The following RAD51B variants were observed in gnomAD, a reference collection of about 807,000 sequenced individuals.
RAD51B encodes the protein RAD51 paralog B, also known as DNA repair protein RAD51 homolog 2.
A neutral mutation model predicts 42.2 loss-of-function variants in RAD51B; 38 were observed. The observed-to-expected ratio is 0.90, with a 90% CI of 0.70 to 1.18. The LOEUF (loss-of-function observed/expected upper bound fraction) is 1.18, where lower values mean the gene tolerates loss of function less well. RAD51B is among the 50% of genes most tolerant of loss of function. The probability of loss-of-function intolerance (pLI) is 0.00; values close to 1 mark genes in which losing one functional copy is unlikely to be tolerated. For synonymous variants in RAD51B, 154 were observed against 145.2 expected (o/e 1.06, Z -0.43); for missense variants, 373 against 400.7 (o/e 0.93, Z 0.59).
At chr14:68,602,026 G>A (rs1891238960) in intron 10 of RAD51B, among the ~76,000 whole-genome samples, 1 of 151,976 alleles carries the variant, frequency 6.6e-6, no homozygotes, top group Non-Finnish European at 1.5e-5. Context: ...AACCTGCTTG[G>A]TCCTTTGAAA....
chr14:67,984,391 C>T (rs1033356159), intron 7 of RAD51B, among the ~76,000 whole-genome samples: 5 of 152,176 alleles, frequency 3.3e-5, no homozygotes, highest in Non-Finnish European at 7.4e-5. Context: ...TTTCAAGACA[C>T]TTTCTTATTT....
Position 68,359,587 on chromosome 14 carries a change from A to G in RAD51B, c.854-51837A>G, listed in dbSNP as rs77133088. Among the ~76,000 whole-genome samples the G allele has an allele frequency of 9.0e-3, 1,364 of 152,344 alleles. 21 individuals carry two copies. The highest frequency in any genetic ancestry group is 0.032 in the African/African-American group (1,323 of 41,574). ...AGCCAGACCAGATCAGCAGCCATTA[A>G]GCAGGGCCCACAGTTCCTATGGCCG... On this transcript the variant is annotated intron_variant, in intron 8 of 10. Transcript: ENST00000471583.
chr14:68,274,047 G>A lies in RAD51B; in HGVS notation c.757-17837G>A, dbSNP rs111608823. Among the ~76,000 whole-genome samples the A allele has an allele frequency of 6.4e-3, 968 of 151,782 alleles. 6 individuals are homozygous for A. The highest frequency in any genetic ancestry group is 0.021 in the African/African-American group (879 of 41,342). On this transcript the variant is annotated intron_variant, in intron 7 of 10. Transcript: ENST00000471583. ...CACTCTCCTTTGCTTCTTATGCTTC[G>A]GGAGCAGCCACTTTCAAATCTCTTG...
At chr14:68,487,491 GATGTACA>G (rs1047575971) in intron 10 of RAD51B, among the ~76,000 whole-genome samples, 28 of 151,656 alleles carry the variant, frequency 1.8e-4, no homozygotes, top group East Asian at 1.7e-3. Context: ...TGTTGATCAT[GATGTACA>G]ATTCATTACT....
intron 10 of RAD51B, among the ~76,000 whole-genome samples, chr14:68,585,971 G>A (rs1890447224): frequency 6.6e-6 from 1 of 152,162 alleles, no homozygotes; most frequent in Admixed American, 6.5e-5. Context: ...CGGCTCATCT[G>A]CTGCAGATCT....
intron 9 of RAD51B, chr14:68,422,111 A>G: frequency 1.4e-6 from 2 of 1,465,318 alleles, no homozygotes; most frequent in Non-Finnish European, 9.6e-7. Context: ...TGTCTTTGGG[A>G]TCTTGTCTGC....
chr14:68,195,945 G>T (rs1595537030), intron 7 of RAD51B, among the ~76,000 whole-genome samples: 1 of 147,000 alleles, frequency 6.8e-6, no homozygotes, highest in South Asian at 2.2e-4. Flanking sequence ...GGGGCCAGGT[G>T]CAATGGCTCA....
At chr14:68,157,399 T>G (rs2078536125) in intron 7 of RAD51B, among the ~76,000 whole-genome samples, 1 of 152,206 alleles carries the variant, frequency 6.6e-6, no homozygotes, top group African/African-American at 2.4e-5. Context: ...GCATGTTATA[T>G]GAAAGGGATG....
chr14:68,678,921 A>G (rs1893368559), intron 11 of RAD51B, among the ~76,000 whole-genome samples: 1 of 151,984 alleles, frequency 6.6e-6, no homozygotes, highest in Admixed American at 6.6e-5. Context: ...CTCCACCTCC[A>G]CCTTCACAGG....
chr14:68,321,054 G>C (rs1315442470), intron 8 of RAD51B, among the ~76,000 whole-genome samples: 2 of 151,912 alleles, frequency 1.3e-5, no homozygotes, highest in Non-Finnish European at 2.9e-5. Flanking sequence ...CTGTCTCCAA[G>C]TCCCCATTGT....
intron 8 of RAD51B, among the ~76,000 whole-genome samples, chr14:68,337,984 G>A (rs2082492432): frequency 6.6e-6 from 1 of 151,788 alleles, no homozygotes; most frequent in Non-Finnish European, 1.5e-5. Flanking sequence ...AAGAGATGGG[G>A]TCTCACTATA....
intron 7 of RAD51B, among the ~76,000 whole-genome samples, chr14:68,082,195 C>T (rs1042438000): frequency 3.3e-5 from 5 of 151,968 alleles, no homozygotes; most frequent in Non-Finnish European, 5.9e-5. Context: ...CTCCTGACCT[C>T]GTGATCTGCC....
chr14:68,120,006 T>C (rs1349071286), intron 7 of RAD51B, among the ~76,000 whole-genome samples: 3 of 151,674 alleles, frequency 2.0e-5, no homozygotes, highest in African/African-American at 7.3e-5. Flanking sequence ...TTAATGATTG[T>C]CATTCTAACT....
At chr14:68,430,179 G>A (rs925731826) in intron 9 of RAD51B, among the ~76,000 whole-genome samples, 1 of 152,030 alleles carries the variant, frequency 6.6e-6, no homozygotes, top group African/African-American at 2.4e-5. Context: ...AGTCAGGTAG[G>A]GTGATGCCTC....
chr14:67,987,537 A>G (rs1230930415), intron 7 of RAD51B, among the ~76,000 whole-genome samples: 3 of 152,194 alleles, frequency 2.0e-5, no homozygotes, highest in Non-Finnish European at 4.4e-5. Flanking sequence ...AGTAAGATTG[A>G]ACTTACTATT....
intron 8 of RAD51B, among the ~76,000 whole-genome samples, chr14:68,395,051 C>G (rs535905876): frequency 9.2e-5 from 14 of 152,220 alleles, no homozygotes; most frequent in South Asian, 2.1e-4. Context: ...CTGTCGGCAT[C>G]CCCCCCTTTC....
intron 7 of RAD51B, among the ~76,000 whole-genome samples, chr14:67,899,251 A>C (rs539586055): frequency 6.6e-5 from 10 of 150,968 alleles, no homozygotes; most frequent in African/African-American, 1.9e-4. Flanking sequence ...GGGTTTCACC[A>C]TGTTAGCCAG....
chr14:68,037,736 T>A (rs909328058), intron 7 of RAD51B, among the ~76,000 whole-genome samples: 2 of 152,246 alleles, frequency 1.3e-5, no homozygotes, highest in African/African-American at 4.8e-5. Flanking sequence ...ACTGTATTTA[T>A]CCCTGTTGTG....
rs114880770 is a variant in RAD51B, at chr14:68,414,592, T to C, written c.957+3065T>C. ...CAAACAAACTAATACTGAGGTACTG[T>C]TACAAGGCAGTGTTTGATTTGTTGT... is the stretch of plus-strand genomic sequence containing the variant. On this transcript the variant is annotated intron_variant, in intron 9 of 10. Transcript: ENST00000471583. Among the ~76,000 whole-genome samples the C allele has an allele frequency of 5.2e-3, 796 of 152,238 alleles. 12 individuals carry two copies. Among genetic ancestry groups the C allele is most frequent in the African/African-American group, 0.018 (756 of 41,536 alleles).
Sources: gnomAD v4.1 joint callset for allele counts (sites outside exome capture counted in the v4.1 genomes callset) on GRCh38, gnomAD v4.1.1 for gene constraint, MANE v1.5 for transcripts, NCBI Gene and HGNC (gene_info 2026-07-23, HGNC 2026-07-21) for gene names.